The following PCDHGA3 variants were observed in gnomAD, a reference collection of about 807,000 sequenced individuals.
The protein encoded by PCDHGA3 is protocadherin gamma subfamily A, 3, also known as protocadherin gamma-A3.
A neutral mutation model predicts 58.5 loss-of-function variants in PCDHGA3; 40 were observed. The ratio of observed to expected loss-of-function variants is 0.68; its 90% confidence interval spans 0.53 to 0.89. The LOEUF (loss-of-function observed/expected upper bound fraction) is 0.89, where lower values mean the gene tolerates loss of function less well. PCDHGA3 is among the 40% of genes least tolerant of loss of function. The pLI is 0.00. For missense variants in PCDHGA3, 1,223 were observed against 1,195.9 expected, an observed-to-expected ratio of 1.02 and a Z score of -0.33; for synonymous variants, 530 against 525.7, an observed-to-expected ratio of 1.01 and a Z score of -0.11.
chr5:141,394,158 C>G lies in PCDHGA3; in HGVS notation c.2424+47701C>G, dbSNP rs777816337. 1.2e-5 allele frequency: 19 copies of G among 1,613,726 alleles called. No homozygotes were observed. The Admixed American group carries it at 2.0e-4, about 17-fold the overall frequency. On this transcript the variant is annotated intron_variant, in intron 1 of 3. Transcript: ENST00000253812. ...GCACGTGGCAGACATTAACGACAAC[C>G]CTCCTACTTTCCCTCATGCCTCCTA...
chr5:141,415,443 C>T, intron 1 of PCDHGA3: 1 of 1,614,196 alleles, frequency 6.2e-7, no homozygotes, highest in Non-Finnish European at 8.5e-7. Context: ...TCCTGCAGAC[C>T]TATTCCCACG....
At position 141,476,359 on chromosome 5, in the gene PCDHGA3, G is replaced by A; in HGVS notation, c.2425-18448G>A. On this transcript the variant is annotated intron_variant, in intron 1 of 3. Coordinates refer to ENST00000253812, the MANE Select transcript of PCDHGA3 (RefSeq NM_018916.4). This position sits in a 1 kb window ranked among gnomAD's most constrained non-coding sequence, Gnocchi z 7.6. ...GCCGAAGATTCTTTGAGGTGAACCG[G>A]GAGACCGGAGAGATGTTTGTGAACG... The A allele has an allele frequency of 6.2e-7, 1 of 1,614,170 alleles. No individual in the cohort carries two copies. The highest frequency in any genetic ancestry group is 8.5e-7 in the Non-Finnish European group (1 of 1,180,020).
intron 1 of PCDHGA3, chr5:141,367,567 A>C (rs1357501052): frequency 1.3e-5 from 2 of 150,962 alleles, no homozygotes; most frequent in Non-Finnish European, 3.0e-5. Flanking sequence ...TAAATAAATA[A>C]ATAAATATCA....
intron 1 of PCDHGA3, chr5:141,418,770 A>G: frequency 6.2e-7 from 1 of 1,613,892 alleles, no homozygotes; most frequent in Non-Finnish European, 8.5e-7. Context: ...ATTCTAACTC[A>G]GCAGCCTTTG....
At position 141,360,504 on chromosome 5, in the gene PCDHGA3, G is replaced by T. The variant is rs778091119; in HGVS notation, c.2424+14047G>T. 5 of 1,613,814 alleles carry T rather than the reference G, an allele frequency of 3.1e-6. No homozygotes were observed. The African/African-American group carries it at 4.0e-5, about 13-fold the overall frequency. On this transcript the variant is annotated intron_variant, in intron 1 of 3. Transcript: ENST00000253812. The stretch of plus-strand genomic sequence containing the variant: ...ATATTTTCTACATAGCAGTAATTGT[G>T]CAGGATATAAATGATAATACCCCGC...
At chr5:141,495,984 ATC>A (rs2099765081) in intron 2 of PCDHGA3, among the ~76,000 whole-genome samples, 1 of 149,246 alleles carries the variant, frequency 6.7e-6, no homozygotes, top group East Asian at 2.0e-4. Context: ...CTCTTTCTTT[ATC>A]TCTCTTTTTC....
intron 1 of PCDHGA3, among the ~76,000 whole-genome samples, chr5:141,435,592 C>T (rs573084790): frequency 1.3e-5 from 2 of 152,060 alleles, no homozygotes; most frequent in African/African-American, 2.4e-5. Flanking sequence ...GCAGTAATAT[C>T]GCCTGCTTTT....
chr5:141,432,503 G>T lies in PCDHGA3; in HGVS notation c.2425-62304G>T, dbSNP rs939325676. 8.7e-6 allele frequency: 14 copies of T among 1,613,988 alleles called. No homozygotes were observed. The highest frequency in any genetic ancestry group is 1.3e-5 in the African/African-American group (1 of 74,930). ...TGGCGTGGAGCTGGCTCCCCGCTCC[G>T]CAGAGCCCGGCTACCTGGTGACCAA... On this transcript the variant is annotated intron_variant, in intron 1 of 3. Transcript: ENST00000253812. The surrounding 1 kb of genome is among the most constrained non-coding windows in gnomAD (Gnocchi z 6.0).
chr5:141,433,042 G>T (rs752612411), intron 1 of PCDHGA3: 10 of 1,614,024 alleles, frequency 6.2e-6, no homozygotes, highest in East Asian at 4.5e-5. Flanking sequence ...CCCTCACCAC[G>T]GACTCGCGGA....
At chr5:141,423,033 C>A (rs2096701827) in intron 1 of PCDHGA3, 2 of 1,614,102 alleles carry the variant, frequency 1.2e-6, no homozygotes, top group Non-Finnish European at 1.7e-6. Flanking sequence ...CAGGCCAGAA[C>A]GCCTGGCTGT....
In PCDHGA3 at chr5:141,374,497, G is replaced by A. The variant is rs778938878; in HGVS notation, c.2424+28040G>A. On this transcript the variant is annotated intron_variant, in intron 1 of 3. Coordinates refer to ENST00000253812, the MANE Select transcript of PCDHGA3 (RefSeq NM_018916.4). ...CACCCCGATTCTTAAAGGAAGAATT[G>A]GAAGTGAAAATTCTCGAAAACGCAG... 7.4e-6 allele frequency: 12 copies of A among 1,611,444 alleles called. No homozygotes were observed. The Admixed American group carries it at 1.2e-4, about 16-fold the overall frequency.
chr5:141,419,177 C>T (rs1223789288), intron 1 of PCDHGA3: 8 of 1,613,862 alleles, frequency 5.0e-6, no homozygotes, highest in Admixed American at 1.7e-5. Flanking sequence ...AACCATAACC[C>T]TGCACATTAC....
rs995102227 is a variant in PCDHGA3 at position 141,344,445 on chromosome 5, T to C, written c.412T>C (p.Leu138=). The change falls in exon 1 of 4, where the codon TTG becomes CTG. Residue 138 remains leucine, a synonymous_variant. Coordinates refer to ENST00000253812, the MANE Select transcript of PCDHGA3 (RefSeq NM_018916.4). ...TGCTCCTAATTTCCCAACAGAGGAA[T>C]TGGAAATAAAAATTGGTGAACTAAC... The part of the protein sequence containing the change: ...DNAPNFPTEE[L]EIKIGELTVP... The C allele has an allele frequency of 3.7e-6, 6 of 1,613,574 alleles. No homozygotes were observed. The African/African-American group carries it at 4.0e-5, about 11-fold the overall frequency.
At chr5:141,366,663 C>A in intron 1 of PCDHGA3, 2 of 1,614,242 alleles carry the variant, frequency 1.2e-6, no homozygotes, top group East Asian at 2.2e-5. Context: ...TACGCAGACA[C>A]GCTCCTTAGT....
intron 1 of PCDHGA3, chr5:141,374,063 G>T: frequency 6.7e-7 from 1 of 1,496,072 alleles, no homozygotes; most frequent in Non-Finnish European, 8.9e-7. Flanking sequence ...TAATCCCAGA[G>T]AAGTTCCTAA....
At chr5:141,409,885 G>A in intron 1 of PCDHGA3, 1 of 1,613,110 alleles carries the variant, frequency 6.2e-7, no homozygotes. Flanking sequence ...ACGCACCGCG[G>A]GTGCTGTACC....
intron 1 of PCDHGA3, chr5:141,378,561 A>C (rs1775013664): frequency 6.6e-6 from 1 of 152,238 alleles, no homozygotes. Context: ...AAGAGTGAAC[A>C]TGAATTTTAA....
chr5:141,504,130 C>T (rs1334901812), intron 2 of PCDHGA3, among the ~76,000 whole-genome samples: 1 of 152,154 alleles, frequency 6.6e-6, no homozygotes, highest in African/African-American at 2.4e-5. Flanking sequence ...TGTTTCCCGC[C>T]AACACTCCCC....
In PCDHGA3 at chr5:141,381,826, C is replaced by CTTCTTTTTTTTTTT. The variant is rs1777532522; in HGVS notation, c.2424+35371_2424+35372insCTTTTTTTTTTTTT. On this transcript the variant is annotated intron_variant, in intron 1 of 3. Transcript: ENST00000253812. ...TTTCTTTCTTTCTTTCTTTCTTCTT[C>CTTCTTTTTTTTTTT]TTTTTTTTTTTTTTTTTTTTTTGGC... Among the ~76,000 whole-genome samples the CTTCTTTTTTTTTTT allele has an allele frequency of 5.4e-5, 4 of 74,282 alleles. 1 individual carries two copies. Among genetic ancestry groups the CTTCTTTTTTTTTTT allele is most frequent in the African/African-American group, 2.5e-4 (4 of 16,176 alleles). The allele number at this position is 74,282 out of a possible 152,430, so 48.7% of individuals were successfully genotyped here.
Sources: gnomAD v4.1 joint callset for allele counts (sites outside exome capture counted in the v4.1 genomes callset) on GRCh38, gnomAD v4.1.1 for gene constraint, Gnocchi (gnomAD v3.1) non-coding constraint, MANE v1.5 for transcripts, NCBI Gene and HGNC (gene_info 2026-07-23, HGNC 2026-07-21) for gene names.